The following ABLIM1 variants were observed in gnomAD, a reference collection of about 807,000 sequenced individuals.
ABLIM1 encodes actin-binding LIM protein 1.
ABLIM1 carries 40 observed loss-of-function variants against 107.0 expected under a neutral mutation model. That is an observed-to-expected ratio of 0.37 (90% CI 0.29 to 0.49). The LOEUF (loss-of-function observed/expected upper bound fraction) is 0.49, where lower values mean the gene tolerates loss of function less well. ABLIM1 is among the 20% of genes least tolerant of loss of function. The pLI, the probability that ABLIM1 is intolerant of heterozygous loss-of-function variation, is 0.97. For missense variants in ABLIM1, 857 were observed against 1,008.5 expected (o/e 0.85, Z 2.04); for synonymous variants, 357 against 357.3 (o/e 1.00, Z 0.01).
At chr10:114,451,146 T>A (rs2061824668) in intron 14 of ABLIM1, among the ~76,000 whole-genome samples, 1 of 152,162 alleles carries the variant, frequency 6.6e-6, no homozygotes, top group South Asian at 2.1e-4. Flanking sequence ...CTGTATCCTG[T>A]CCACTCCACT....
intron 1 of ABLIM1, among the ~76,000 whole-genome samples, chr10:114,624,464 C>A (rs11196812): frequency 0.08 from 12,183 of 152,220 alleles, 915 homozygotes; most frequent in East Asian, 0.43. Context: ...TGTGATGCAA[C>A]ACAAGTTGTT....
chr10:114,598,050 T>A (rs1298547917), intron 2 of ABLIM1, among the ~76,000 whole-genome samples: 1 of 152,124 alleles, frequency 6.6e-6, no homozygotes, highest in Non-Finnish European at 1.5e-5. Context: ...GGTGGGCAGA[T>A]CACCTGAGGT....
chr10:114,619,637 G>T lies in ABLIM1; in HGVS notation c.245-17676C>A, dbSNP rs2077344119. 6.6e-6 allele frequency among the ~76,000 whole-genome samples: 1 copy of T among 152,164 alleles called. No individual in the cohort carries two copies. Among genetic ancestry groups the T allele is most frequent in the African/African-American group, 2.4e-5 (1 of 41,438 alleles). ...GGCAGATAGTCCTGGTCCTGATCTT[G>T]CTCCTCCCTCCCTGGCTGTGATACA... On this transcript the variant is annotated intron_variant, in intron 1 of 22. Coordinates refer to ENST00000533213, the MANE Select transcript of ABLIM1 (RefSeq NM_002313.7). The surrounding 1 kb of genome is among the most constrained non-coding windows in gnomAD (Gnocchi z 4.1).
At chr10:114,615,659 C>G in intron 1 of ABLIM1, 1 of 429,788 alleles carries the variant, frequency 2.3e-6, no homozygotes, top group Non-Finnish European at 4.8e-6. Context: ...GGCTTTCTGT[C>G]TCTTTTCCAG....
At chr10:114,583,468 C>CACACATATAT (rs1342722676) in intron 2 of ABLIM1, among the ~76,000 whole-genome samples, 1 of 15,112 alleles carries the variant, frequency 6.6e-5, no homozygotes, top group Non-Finnish European at 1.2e-4. Context: ...CACACACACA[C>CACACATATAT]ATATATATAT....
chr10:114,468,567 C>T (rs1002292591), intron 10 of ABLIM1, among the ~76,000 whole-genome samples: 2 of 152,076 alleles, frequency 1.3e-5, no homozygotes, highest in Non-Finnish European at 2.9e-5. Flanking sequence ...AGCCACCGCG[C>T]CTGGCCTCTT....
At chr10:114,731,825 G>A (rs528570898) in intron 1 of ABLIM1, among the ~76,000 whole-genome samples, 1 of 152,178 alleles carries the variant, frequency 6.6e-6, no homozygotes, top group Admixed American at 6.5e-5. Context: ...GGCCAGGCTG[G>A]TCTTGAACCC....
chr10:114,578,202 T>G (rs564431853), intron 2 of ABLIM1, among the ~76,000 whole-genome samples: 8 of 152,300 alleles, frequency 5.3e-5, no homozygotes, highest in African/African-American at 1.9e-4. Flanking sequence ...TCCCCAAGCT[T>G]TAGACCCTGA....
At chr10:114,759,902 G>A in intron 1 of ABLIM1, among the ~76,000 whole-genome samples, 1 of 152,058 alleles carries the variant, frequency 6.6e-6, no homozygotes, top group East Asian at 1.9e-4. Context: ...AAGCATCCCA[G>A]GTGGAATTAT....
At chr10:114,763,668 G>A (rs1452611281) in intron 1 of ABLIM1, among the ~76,000 whole-genome samples, 1 of 152,118 alleles carries the variant, frequency 6.6e-6, no homozygotes, top group Non-Finnish European at 1.5e-5. Context: ...AGAGGCATGA[G>A]CCACTGCACC....
intron 4 of ABLIM1, among the ~76,000 whole-genome samples, chr10:114,554,618 C>T (rs2068492758): frequency 6.6e-6 from 1 of 152,126 alleles, no homozygotes; most frequent in South Asian, 2.1e-4. Flanking sequence ...ATTGCTTGAG[C>T]CCAGGAGCTC....
chr10:114,488,713 G>A (rs774040510), intron 7 of ABLIM1, among the ~76,000 whole-genome samples: 7 of 152,104 alleles, frequency 4.6e-5, no homozygotes, highest in South Asian at 4.1e-4. Context: ...ACTTTAATGC[G>A]TGGTACCAGC....
intron 10 of ABLIM1, 147 bp from the exon 11 acceptor site, chr10:114,468,363 C>A (rs899871501): frequency 2.9e-6 from 2 of 679,600 alleles, no homozygotes; most frequent in Admixed American, 4.5e-5. Flanking sequence ...CAATCTCCGC[C>A]TCCCAGGTTC....
intron 6 of ABLIM1, among the ~76,000 whole-genome samples, chr10:114,529,595 G>T (rs1174278340): frequency 6.6e-6 from 1 of 152,162 alleles, no homozygotes; most frequent in Admixed American, 6.5e-5. Context: ...AGTGAAGAAC[G>T]CCGTGTGGAG....
intron 4 of ABLIM1, among the ~76,000 whole-genome samples, chr10:114,561,538 C>T (rs1321400018): frequency 6.6e-6 from 1 of 152,204 alleles, no homozygotes; most frequent in East Asian, 1.9e-4. Flanking sequence ...CCAGTTCTCT[C>T]TCTCCCTTCC....
chr10:114,749,239 C>A (rs1301451406), intron 1 of ABLIM1, among the ~76,000 whole-genome samples: 2 of 152,040 alleles, frequency 1.3e-5, no homozygotes. Flanking sequence ...TTGCCTTCCT[C>A]TAGTATTTAT....
intron 6 of ABLIM1, among the ~76,000 whole-genome samples, chr10:114,509,926 G>A (rs1268205684): frequency 6.6e-6 from 1 of 152,152 alleles, no homozygotes; most frequent in African/African-American, 2.4e-5. Context: ...AAGAGCAAAG[G>A]GACGTCTTAC....
chr10:114,542,006 A>C (rs146293238), intron 6 of ABLIM1, among the ~76,000 whole-genome samples: 1 of 150,866 alleles, frequency 6.6e-6, no homozygotes, highest in East Asian at 1.9e-4. Context: ...CATGTGGACT[A>C]AGAAGACTGC....
In ABLIM1 at chr10:114,434,246, G is replaced by C; in HGVS notation, c.*2014C>G. On this transcript the variant is annotated 3_prime_UTR_variant, in exon 23 of 23. Transcript: ENST00000533213. ...GGTCTCATCTGCTCATGGCCACCCTGTCAGAGCCATTTGCTAAACATGTTA... is the reference window on the plus strand; with the variant it reads ...GGTCTCATCTGCTCATGGCCACCCTCTCAGAGCCATTTGCTAAACATGTTA... 1 of 150,166 alleles carries C rather than the reference G, an allele frequency of 6.7e-6. No homozygotes were observed. Among genetic ancestry groups the C allele is most frequent in the South Asian group, 2.1e-4 (1 of 4,724 alleles). The allele number at this position is 150,166 out of a possible 1,614,324, so 9.3% of individuals were successfully genotyped here.
Sources: gnomAD v4.1 joint callset for allele counts (sites outside exome capture counted in the v4.1 genomes callset) on GRCh38, gnomAD v4.1.1 for gene constraint, Gnocchi (gnomAD v3.1) non-coding constraint, MANE v1.5 for transcripts, NCBI Gene and HGNC (gene_info 2026-07-23, HGNC 2026-07-21) for gene names.